The following RBFOX1 variants were observed in gnomAD, a reference collection of about 807,000 sequenced individuals.
The protein encoded by RBFOX1 is RNA binding protein fox-1 homolog 1.
In RBFOX1, 8 loss-of-function variants were observed where a neutral mutation model predicts 57.7. The observed-to-expected ratio is 0.14, with a 90% CI of 0.08 to 0.25. The LOEUF is 0.25. Ranked by LOEUF, RBFOX1 falls within the 10% of genes least tolerant of loss-of-function variation. The pLI is 1.00. For synonymous variants in RBFOX1, 326 were observed against 222.4 expected (o/e 1.47, Z -4.15); for missense variants, 611 against 548.5 (o/e 1.11, Z -1.14).
intron 3 of RBFOX1, among the ~76,000 whole-genome samples, chr16:6,827,410 A>G (rs1288375220): frequency 1.3e-5 from 2 of 152,096 alleles, no homozygotes; most frequent in Non-Finnish European, 2.9e-5. Context: ...GGAAGTGCTT[A>G]TAGGGAAGGA....
At chr16:6,963,844 G>A (rs539275611) in intron 3 of RBFOX1, among the ~76,000 whole-genome samples, 3 of 150,036 alleles carry the variant, frequency 2.0e-5, no homozygotes, top group Admixed American at 6.7e-5. Context: ...GGCTACAGGC[G>A]CACACCACCA....
At chr16:5,797,191 C>A (rs2054906855) in intron 3 of RBFOX1, among the ~76,000 whole-genome samples, 1 of 152,118 alleles carries the variant, frequency 6.6e-6, no homozygotes. Context: ...GCTAGATGCC[C>A]ATAGAGGAAG....
At chr16:7,663,073 G>A (rs2068179955) in intron 12 of RBFOX1, among the ~76,000 whole-genome samples, 1 of 152,224 alleles carries the variant, frequency 6.6e-6, no homozygotes, top group African/African-American at 2.4e-5. Context: ...ATGGGATGGA[G>A]CGGTTTTGAT....
intron 3 of RBFOX1, among the ~76,000 whole-genome samples, chr16:6,917,182 G>A (rs1259148161): frequency 6.6e-6 from 1 of 152,140 alleles, no homozygotes; most frequent in Non-Finnish European, 1.5e-5. Flanking sequence ...AGCAGACTGA[G>A]TTTCTGTTCT....
intron 6 of RBFOX1, among the ~76,000 whole-genome samples, chr16:7,582,591 G>C (rs939485757): frequency 6.6e-6 from 1 of 152,152 alleles, no homozygotes; most frequent in Non-Finnish European, 1.5e-5. Flanking sequence ...ATTCTCATTG[G>C]CTCCCTGCAC....
chr16:7,198,920 T>G (rs9925310), intron 4 of RBFOX1, among the ~76,000 whole-genome samples: 1 of 151,960 alleles, frequency 6.6e-6, no homozygotes, highest in Non-Finnish European at 1.5e-5. Context: ...TGTTCACAGT[T>G]TGCTCAGTAT....
intron 4 of RBFOX1, among the ~76,000 whole-genome samples, chr16:7,195,520 ATGCTTGCTCT>A (rs1231876378): frequency 6.6e-6 from 1 of 152,116 alleles, no homozygotes; most frequent in African/African-American, 2.4e-5. Flanking sequence ...AGGACCTACG[ATGCTTGCTCT>A]TGCTCTCTTT....
intron 1 of RBFOX1, among the ~76,000 whole-genome samples, chr16:5,369,109 C>T (rs757115849): frequency 6.6e-6 from 1 of 152,134 alleles, no homozygotes; most frequent in Non-Finnish European, 1.5e-5. Flanking sequence ...TCAAGCAGTT[C>T]TCCTGTCTCA....
intron 2 of RBFOX1, among the ~76,000 whole-genome samples, chr16:6,344,994 G>A (rs1423222461): frequency 6.6e-6 from 1 of 152,112 alleles, no homozygotes; most frequent in Non-Finnish European, 1.5e-5. Flanking sequence ...TGAGCATCAA[G>A]TCTGTCATTT....
At chr16:5,468,319 C>T (rs1188316122) in intron 2 of RBFOX1, among the ~76,000 whole-genome samples, 1 of 152,144 alleles carries the variant, frequency 6.6e-6, no homozygotes, top group Non-Finnish European at 1.5e-5. Flanking sequence ...CAAAGTAAAG[C>T]CCTGTACCCA....
chr16:7,633,966 C>T (rs909395025), intron 11 of RBFOX1, among the ~76,000 whole-genome samples: 2 of 152,186 alleles, frequency 1.3e-5, no homozygotes, highest in African/African-American at 4.8e-5. Flanking sequence ...GGTCAGCTGG[C>T]ACATAAAGGG....
At chr16:5,591,222 A>C (rs1228695446) in intron 2 of RBFOX1, among the ~76,000 whole-genome samples, 1 of 151,802 alleles carries the variant, frequency 6.6e-6, no homozygotes, top group East Asian at 1.9e-4. Context: ...TTTTCCTGCT[A>C]CCACATCCTT....
intron 4 of RBFOX1, among the ~76,000 whole-genome samples, chr16:7,181,248 A>G (rs543316272): frequency 6.6e-6 from 1 of 152,296 alleles, no homozygotes; most frequent in Non-Finnish European, 1.5e-5. Flanking sequence ...CCCGATGAGC[A>G]TGGTCATGAG....
At chr16:7,435,197 G>T (rs963642041) in intron 4 of RBFOX1, among the ~76,000 whole-genome samples, 3 of 151,774 alleles carry the variant, frequency 2.0e-5, no homozygotes, top group African/African-American at 2.4e-5. Context: ...CTCCCCTTCT[G>T]GTCTGTGACT....
chr16:5,763,738 C>G (rs954332094), intron 3 of RBFOX1, among the ~76,000 whole-genome samples: 2 of 152,204 alleles, frequency 1.3e-5, no homozygotes, highest in Non-Finnish European at 2.9e-5. Flanking sequence ...ACTGTGGTAA[C>G]TCGGTTGCAC....
intron 3 of RBFOX1, among the ~76,000 whole-genome samples, chr16:6,779,522 A>T (rs1380256437): frequency 1.3e-5 from 2 of 150,854 alleles, no homozygotes; most frequent in Non-Finnish European, 2.9e-5. Flanking sequence ...CTTTCATTTG[A>T]ATATATACCC....
Position 5,852,751 on chromosome 16 carries a change from G to A in RBFOX1, c.319-14552G>A, listed in dbSNP as rs141186513. ...AGGCTGAGGCGGGAGGATCACTTGA[G>A]CCCAGGAGTTTGAGGCTGCAGTGAG... On this transcript the variant is annotated intron_variant, in intron 3 of 19. Transcript: ENST00000641259. 3.5e-3 allele frequency among the ~76,000 whole-genome samples: 536 copies of A among 152,222 alleles called. 3 individuals are homozygous for A. Among genetic ancestry groups the A allele is most frequent in the African/African-American group, 0.013 (521 of 41,542 alleles).
chr16:6,658,557 G>C (rs372917416), intron 3 of RBFOX1, among the ~76,000 whole-genome samples: 2 of 152,130 alleles, frequency 1.3e-5, no homozygotes, highest in South Asian at 2.1e-4. Flanking sequence ...CTTTATCTGC[G>C]CACAGTCTGG....
intron 3 of RBFOX1, among the ~76,000 whole-genome samples, chr16:6,783,541 C>T (rs1011078638): frequency 1.5e-4 from 23 of 151,728 alleles, no homozygotes; most frequent in Admixed American, 4.6e-4. Context: ...CTAAATTCTA[C>T]GCTTTATCTC....
Sources: gnomAD v4.1 joint callset for allele counts (sites outside exome capture counted in the v4.1 genomes callset) on GRCh38, gnomAD v4.1.1 for gene constraint, MANE v1.5 for transcripts, NCBI Gene and HGNC (gene_info 2026-07-23, HGNC 2026-07-21) for gene names.